ARHGEF38: variants seen among roughly 807,000 people sequenced by gnomAD.
The protein encoded by ARHGEF38 is Rho guanine nucleotide exchange factor 38.
In ARHGEF38, 79 loss-of-function variants were observed where a neutral mutation model predicts 79.9. The observed-to-expected ratio is 0.99, with a 90% CI of 0.82 to 1.19. The LOEUF is 1.19. Ranked by LOEUF, ARHGEF38 falls within the 50% of genes most tolerant of loss-of-function variation. The pLI is 0.00. For synonymous variants in ARHGEF38, 366 were observed against 328.3 expected (o/e 1.11, Z -1.24); for missense variants, 962 against 907.2 (o/e 1.06, Z -0.78).
intron 5 of ARHGEF38, among the ~76,000 whole-genome samples, chr4:105,643,793 A>G (rs59442856): frequency 0.041 from 6,217 of 151,610 alleles, 421 homozygotes; most frequent in African/African-American, 0.14. Flanking sequence ...CATTGTGTGC[A>G]TGTACATGTG....
At chr4:105,594,658 C>A (rs946275159) in intron 2 of ARHGEF38, among the ~76,000 whole-genome samples, 8 of 152,190 alleles carry the variant, frequency 5.3e-5, no homozygotes, top group Admixed American at 6.5e-5. Context: ...AACTGAGTCA[C>A]CTTGTATGAG....
At chr4:105,573,383 C>G (rs1726330657) in intron 1 of ARHGEF38, among the ~76,000 whole-genome samples, 1 of 152,062 alleles carries the variant, frequency 6.6e-6, no homozygotes, top group African/African-American at 2.4e-5. Flanking sequence ...GATTTCTGAT[C>G]CATTCTGAGT....
intron 2 of ARHGEF38, among the ~76,000 whole-genome samples, chr4:105,606,783 A>G (rs987626481): frequency 6.6e-6 from 1 of 152,118 alleles, no homozygotes; most frequent in Non-Finnish European, 1.5e-5. Flanking sequence ...TTTGAAGTAT[A>G]TAATTTTTTG....
chr4:105,578,360 G>A (rs28832698), intron 1 of ARHGEF38, among the ~76,000 whole-genome samples: 16,349 of 152,114 alleles, frequency 0.11, 934 homozygotes, highest in Middle Eastern at 0.18. Flanking sequence ...CTGTCTTGGA[G>A]GATGTTCCAT....
In ARHGEF38 at chr4:105,667,199, A is replaced by G; in HGVS notation, c.1760A>G (p.Tyr587Cys). The G allele has an allele frequency of 6.5e-7, 1 of 1,536,160 alleles. No homozygotes were observed. Among genetic ancestry groups the G allele is most frequent in the Non-Finnish European group, 8.7e-7 (1 of 1,146,910 alleles). The stretch of plus-strand genomic sequence containing the variant: ...TCCACATATAGTGCAGAGGAACTCT[A>G]TCAAGCTAAGCGCAAGTGCAATGCT... ...LLSTYSAEEL[Y>C]QAKRKCNATQ... Residue 587 changes from tyrosine (Y) to cysteine (C), a missense_variant, in exon 12 of 14, where the codon TAT becomes TGT. By Grantham distance (194) the Tyr-to-Cys change is radical. Coordinates refer to ENST00000420470, the MANE Select transcript of ARHGEF38 (RefSeq NM_001242729.2).
At chr4:105,571,660 G>C (rs1329880253) in intron 1 of ARHGEF38, among the ~76,000 whole-genome samples, 1 of 152,100 alleles carries the variant, frequency 6.6e-6, no homozygotes, top group African/African-American at 2.4e-5. Context: ...GATATTTTGC[G>C]TTGAATTCCT....
At chr4:105,585,611 CT>C (rs1726996268) in intron 1 of ARHGEF38, among the ~76,000 whole-genome samples, 1 of 151,772 alleles carries the variant, frequency 6.6e-6, no homozygotes, top group African/African-American at 2.4e-5. Flanking sequence ...TCTGAATATC[CT>C]TTTAACCTTA....
chr4:105,562,800 C>A lies in ARHGEF38; in HGVS notation c.196+9839C>A, dbSNP rs182069840. Among the ~76,000 whole-genome samples the A allele has an allele frequency of 2.9e-3, 442 of 152,226 alleles. 2 individuals are homozygous for A. The highest frequency in any genetic ancestry group is 9.9e-3 in the African/African-American group (413 of 41,524). ...ACTTGCAAATTCTGAAATAGAGATT[C>A]GGGTGGAGGGGAATTATTAGGCAAC... On this transcript the variant is annotated intron_variant, in intron 1 of 13. Coordinates refer to ENST00000420470, the MANE Select transcript of ARHGEF38 (RefSeq NM_001242729.2).
At chr4:105,650,187 C>T (rs1730040953) in intron 7 of ARHGEF38, among the ~76,000 whole-genome samples, 1 of 152,172 alleles carries the variant, frequency 6.6e-6, no homozygotes, top group South Asian at 2.1e-4. Context: ...TTAAGTCCTT[C>T]ATACATGGTG....
At chr4:105,556,427 CACA>C (rs1272591775) in intron 1 of ARHGEF38, among the ~76,000 whole-genome samples, 1 of 151,982 alleles carries the variant, frequency 6.6e-6, no homozygotes, top group Admixed American at 6.6e-5. Context: ...TCAGTGGGTC[CACA>C]AAAGGAGGAA....
chr4:105,619,809 T>C (rs1728666721), intron 3 of ARHGEF38, among the ~76,000 whole-genome samples: 1 of 152,188 alleles, frequency 6.6e-6, no homozygotes, highest in Non-Finnish European at 1.5e-5. Context: ...TCACTGGCAA[T>C]TTCCATTACT....
chr4:105,590,182 C>T (rs1038489865), intron 2 of ARHGEF38, among the ~76,000 whole-genome samples: 1 of 151,688 alleles, frequency 6.6e-6, no homozygotes, highest in Non-Finnish European at 1.5e-5. Context: ...TGGGGACAAA[C>T]GAGTGGTCAT....
intron 4 of ARHGEF38, among the ~76,000 whole-genome samples, chr4:105,634,027 G>A (rs1006872203): frequency 3.9e-4 from 59 of 152,290 alleles, no homozygotes; most frequent in African/African-American, 1.3e-3. Context: ...CGTGAGGGCA[G>A]TGTTTTTCTG....
intron 4 of ARHGEF38, among the ~76,000 whole-genome samples, chr4:105,634,512 T>G (rs1729323358): frequency 6.6e-6 from 1 of 152,160 alleles, no homozygotes; most frequent in Non-Finnish European, 1.5e-5. Flanking sequence ...TTACTTAGCC[T>G]TCTTGGGGTT....
At chr4:105,625,999 T>C (rs1219388695) in intron 3 of ARHGEF38, among the ~76,000 whole-genome samples, 2 of 152,190 alleles carry the variant, frequency 1.3e-5, no homozygotes, top group Non-Finnish European at 2.9e-5. Context: ...GGCACTCTTT[T>C]CTTCTCACTC....
At chr4:105,640,621 T>C (rs949365124) in intron 5 of ARHGEF38, among the ~76,000 whole-genome samples, 5 of 152,170 alleles carry the variant, frequency 3.3e-5, no homozygotes, top group South Asian at 2.1e-4. Flanking sequence ...TCTAACTCAT[T>C]TTGGTGGAGT....
At chr4:105,559,122 T>C (rs148716922) in intron 1 of ARHGEF38, among the ~76,000 whole-genome samples, 2 of 152,276 alleles carry the variant, frequency 1.3e-5, no homozygotes, top group African/African-American at 4.8e-5. Context: ...AGTACCTTTA[T>C]GAATATTGAT....
chr4:105,651,649 T>C (rs1375559728), intron 7 of ARHGEF38, among the ~76,000 whole-genome samples: 3 of 152,176 alleles, frequency 2.0e-5, no homozygotes, highest in African/African-American at 7.2e-5. Flanking sequence ...TTTCTCTCTC[T>C]CTTTTTTTAA....
At chr4:105,570,988 A>G (rs1242564611) in intron 1 of ARHGEF38, among the ~76,000 whole-genome samples, 3 of 152,184 alleles carry the variant, frequency 2.0e-5, no homozygotes, top group Admixed American at 6.5e-5. Flanking sequence ...TAGAGACAAA[A>G]AGCAGAATGA....
Sources: allele counts gnomAD v4.1 joint callset (sites outside exome capture counted in the v4.1 genomes callset), GRCh38; gene constraint gnomAD v4.1.1; transcripts MANE v1.5; gene names NCBI Gene and HGNC (gene_info 2026-07-23, HGNC 2026-07-21).